The following PAPPA2 variants were observed in gnomAD, a reference collection of about 807,000 sequenced individuals.
PAPPA2 encodes pappalysin 2, also known as pappalysin-2.
PAPPA2 carries 86 observed loss-of-function variants against 176.4 expected under a neutral mutation model. That is an observed-to-expected ratio of 0.49 (90% CI 0.41 to 0.58). PAPPA2 has a LOEUF of 0.58. Ranked by LOEUF, PAPPA2 falls within the 20% of genes least tolerant of loss-of-function variation. PAPPA2 has a pLI of 0.00. For missense variants in PAPPA2, 2,073 were observed against 2,256.9 expected (o/e 0.92, Z 1.65); for synonymous variants, 809 against 852.2 (o/e 0.95, Z 0.88).
At chr1:176,748,479 T>C (rs959631476) in intron 14 of PAPPA2, among the ~76,000 whole-genome samples, 2 of 152,206 alleles carry the variant, frequency 1.3e-5, no homozygotes, top group Non-Finnish European at 2.9e-5. Flanking sequence ...TTATGAATGA[T>C]ACCTGTCCAG....
At chr1:176,482,324 G>C (rs768326858) in intron 1 of PAPPA2, among the ~76,000 whole-genome samples, 3 of 152,190 alleles carry the variant, frequency 2.0e-5, no homozygotes, top group Non-Finnish European at 2.9e-5. Flanking sequence ...AGGAGAGTTT[G>C]ATATAGTGGC....
intron 15 of PAPPA2, among the ~76,000 whole-genome samples, chr1:176,768,640 A>G (rs1246812387): frequency 6.6e-6 from 1 of 151,390 alleles, no homozygotes; most frequent in Non-Finnish European, 1.5e-5. Context: ...TCAACATGTG[A>G]TTTGCTTGCC....
At chr1:176,776,455 T>G (rs1029421345) in intron 17 of PAPPA2, among the ~76,000 whole-genome samples, 2 of 152,184 alleles carry the variant, frequency 1.3e-5, no homozygotes, top group African/African-American at 4.8e-5. Flanking sequence ...TACGTAAATC[T>G]GTTTAAGTTC....
In PAPPA2 at chr1:176,781,009, AT is replaced by A. The variant is rs1664687836; in HGVS notation, c.4716-8797del. Among the ~76,000 whole-genome samples, 8 of 152,310 alleles carry A rather than the reference AT, an allele frequency of 5.3e-5. No individual in the cohort carries two copies. In the South Asian group the frequency reaches 1.7e-3, roughly 32 times the overall value. On this transcript the variant is annotated intron_variant, in intron 17 of 22. Transcript: ENST00000367662. ...TTAGTTTGGGGTGTAACCTGGGCAT[AT>A]TTGGCAGAAAAATCTGTTGGCTGCA...
intron 2 of PAPPA2, among the ~76,000 whole-genome samples, chr1:176,569,147 TACAC>T (rs1379223245): frequency 1.5e-4 from 23 of 152,262 alleles, no homozygotes; most frequent in African/African-American, 4.6e-4. Flanking sequence ...CAGATATACA[TACAC>T]ACCCACCCAC....
intron 1 of PAPPA2, among the ~76,000 whole-genome samples, chr1:176,465,517 T>A (rs1178838741): frequency 6.6e-6 from 1 of 152,206 alleles, no homozygotes; most frequent in African/African-American, 2.4e-5. Flanking sequence ...ATCACCTGTT[T>A]TTTCTTCAAA....
intron 12 of PAPPA2, among the ~76,000 whole-genome samples, chr1:176,717,261 G>A (rs1337485599): frequency 6.6e-6 from 1 of 152,136 alleles, no homozygotes; most frequent in East Asian, 1.9e-4. Context: ...GCCAAAACCA[G>A]CAGATGGCAA....
chr1:176,508,259 G>A (rs1339184011), intron 1 of PAPPA2, among the ~76,000 whole-genome samples: 4 of 152,074 alleles, frequency 2.6e-5, no homozygotes, highest in African/African-American at 2.4e-5. Context: ...TGTGAAAACA[G>A]GAAAATATGA....
chr1:176,709,172 G>A (rs752799939), intron 10 of PAPPA2, among the ~76,000 whole-genome samples: 1 of 152,108 alleles, frequency 6.6e-6, no homozygotes, highest in Non-Finnish European at 1.5e-5. Flanking sequence ...TATTTTCTTA[G>A]ATATTCATTT....
At chr1:176,631,436 A>C (rs953411787) in intron 3 of PAPPA2, among the ~76,000 whole-genome samples, 2 of 152,204 alleles carry the variant, frequency 1.3e-5, no homozygotes, top group Admixed American at 1.3e-4. Context: ...TCTTTGTGGC[A>C]ATAAAAAATA....
chr1:176,831,290 C>A (rs747026614), intron 21 of PAPPA2, among the ~76,000 whole-genome samples: 2 of 152,142 alleles, frequency 1.3e-5, no homozygotes, highest in African/African-American at 2.4e-5. Flanking sequence ...TCAGCAAGGC[C>A]TCTGAGTCAG....
At chr1:176,765,645 G>C (rs1663929324) in intron 14 of PAPPA2, 21 bp from the exon 15 acceptor site, 8 of 1,611,014 alleles carry the variant, frequency 5.0e-6, no homozygotes, top group Non-Finnish European at 5.9e-6. Context: ...TCCTAAGATG[G>C]TTCTATTTCT....
chr1:176,739,312 G>A (rs1662561303), intron 12 of PAPPA2, among the ~76,000 whole-genome samples: 1 of 152,052 alleles, frequency 6.6e-6, no homozygotes, highest in Non-Finnish European at 1.5e-5. Context: ...CTCTGGCAAT[G>A]GTTTCTTTAA....
rs1001820935 is a variant in PAPPA2 at position 176,511,912 on chromosome 1, A to T, written c.-916-43495A>T. 2.0e-5 allele frequency among the ~76,000 whole-genome samples: 3 copies of T among 152,218 alleles called. No homozygotes were observed. In the East Asian group the frequency reaches 5.8e-4, roughly 29 times the overall value. ...CTCCTACTTGGTAGGTGATGATTGG[A>T]CTTTATAAATATCAGTTTTTTTCCT... On this transcript the variant is annotated intron_variant, in intron 1 of 22. Coordinates refer to ENST00000367662, the MANE Select transcript of PAPPA2 (RefSeq NM_020318.3).
chr1:176,642,506 C>T (rs1000725022), intron 3 of PAPPA2, among the ~76,000 whole-genome samples: 5 of 151,632 alleles, frequency 3.3e-5, no homozygotes, highest in African/African-American at 1.2e-4. Flanking sequence ...CTGACAGTGA[C>T]AAGAGATGAG....
chr1:176,596,304 C>T (rs1467452304), intron 3 of PAPPA2, among the ~76,000 whole-genome samples: 2 of 152,156 alleles, frequency 1.3e-5, no homozygotes, highest in African/African-American at 4.8e-5. Flanking sequence ...GCAATCTGGC[C>T]TCTGTCTACC....
chr1:176,817,592 T>A (rs944561683), intron 21 of PAPPA2, among the ~76,000 whole-genome samples: 3 of 152,164 alleles, frequency 2.0e-5, no homozygotes, highest in Non-Finnish European at 4.4e-5. Context: ...ATAGTATAGA[T>A]AGGAAGAAGT....
chr1:176,685,831 A>G (rs900581555), intron 4 of PAPPA2, among the ~76,000 whole-genome samples: 2 of 152,340 alleles, frequency 1.3e-5, no homozygotes, highest in Admixed American at 1.3e-4. Flanking sequence ...TGGGCAACAC[A>G]TCTTTATGCC....
intron 3 of PAPPA2, among the ~76,000 whole-genome samples, chr1:176,650,814 G>A (rs1035863248): frequency 1.3e-5 from 2 of 151,490 alleles, no homozygotes; most frequent in African/African-American, 4.8e-5. Flanking sequence ...TTAGTTATGT[G>A]ATTTTCTCTG....
Sources: gnomAD v4.1 joint callset for allele counts (sites outside exome capture counted in the v4.1 genomes callset) on GRCh38, gnomAD v4.1.1 for gene constraint, MANE v1.5 for transcripts, NCBI Gene and HGNC (gene_info 2026-07-23, HGNC 2026-07-21) for gene names.